The following NAA25 variants were observed in gnomAD, a reference collection of about 807,000 sequenced individuals.
NAA25 encodes the protein N-terminal acetyltransferase B complex subunit NAA25.
In NAA25, 30 loss-of-function variants were observed where a neutral mutation model predicts 132.5. The observed-to-expected ratio is 0.23, with a 90% CI of 0.17 to 0.31. The LOEUF (loss-of-function observed/expected upper bound fraction) is 0.31, where lower values mean the gene tolerates loss of function less well. Among genes scored for constraint, NAA25 ranks in the 10% least tolerant of loss-of-function variants. NAA25 has a pLI of 1.00. For missense variants in NAA25, 771 were observed against 1,150.4 expected (o/e 0.67, Z 4.77); for synonymous variants, 359 against 401.9 (o/e 0.89, Z 1.28).
At chr12:112,032,257 T>C (rs1023514811) in intron 23 of NAA25, among the ~76,000 whole-genome samples, 1 of 152,130 alleles carries the variant, frequency 6.6e-6, no homozygotes, top group African/African-American at 2.4e-5. Flanking sequence ...TGAGCCACTG[T>C]GCCCAGCCCA....
At chr12:112,099,176 G>C (rs1236554360) in intron 1 of NAA25, among the ~76,000 whole-genome samples, 1 of 151,962 alleles carries the variant, frequency 6.6e-6, no homozygotes, top group African/African-American at 2.4e-5. Context: ...TTTTAGTAGA[G>C]ACGGGGTTTC....
chr12:112,027,290 G>T lies in NAA25; in HGVS notation c.*2241C>A. 1 of 151,882 alleles carries T rather than the reference G, an allele frequency of 6.6e-6. No homozygotes were observed. The allele number at this position is 151,882 out of a possible 1,614,324, so 9.4% of individuals were successfully genotyped here. A position where few individuals can be genotyped will look rare whatever the true frequency, so the allele number is the denominator to read the frequency against. On this transcript the variant is annotated 3_prime_UTR_variant, in exon 24 of 24. Coordinates refer to ENST00000261745, the MANE Select transcript of NAA25 (RefSeq NM_024953.4). Reference sequence around the variant, plus strand: ...TGGCATACGATTGCTGGGAGAGGGTGCTTTTTACTCATGTAAGAATATATA... The same window carrying T: ...TGGCATACGATTGCTGGGAGAGGGTTCTTTTTACTCATGTAAGAATATATA...
chr12:112,070,957 G>A (rs2078796740), intron 10 of NAA25, among the ~76,000 whole-genome samples: 1 of 152,252 alleles, frequency 6.6e-6, no homozygotes, highest in South Asian at 2.1e-4. Flanking sequence ...ATGTTGGCCA[G>A]GCTGGTCTTG....
chr12:112,035,844 A>G (rs1476683501), intron 22 of NAA25, among the ~76,000 whole-genome samples: 1 of 151,868 alleles, frequency 6.6e-6, no homozygotes, highest in Admixed American at 6.6e-5. Flanking sequence ...ACCATGCCCA[A>G]CTAATTTTTA....
At chr12:112,105,266 C>A (rs1251333632) in intron 1 of NAA25, among the ~76,000 whole-genome samples, 1 of 151,994 alleles carries the variant, frequency 6.6e-6, no homozygotes, top group African/African-American at 2.4e-5. Flanking sequence ...TTACAGTGAG[C>A]CAAGACACTC....
chr12:112,106,561 T>C (rs1045028984), intron 1 of NAA25, among the ~76,000 whole-genome samples: 2 of 151,996 alleles, frequency 1.3e-5, no homozygotes, highest in Admixed American at 6.6e-5. Flanking sequence ...CCCGGGGAAA[T>C]AGGAAATCAG....
chr12:112,054,333 T>C, intron 14 of NAA25, 55 bp downstream of exon 14: 1 of 1,497,814 alleles, frequency 6.7e-7, no homozygotes, highest in South Asian at 1.2e-5. Flanking sequence ...TAGAGTCCTG[T>C]GTACCCCACA....
At chr12:112,099,523 AAAT>A (rs2079261327) in intron 1 of NAA25, among the ~76,000 whole-genome samples, 2 of 152,214 alleles carry the variant, frequency 1.3e-5, no homozygotes, top group Non-Finnish European at 2.9e-5. Context: ...AATGCAGCTA[AAAT>A]AATGAGATTA....
At chr12:112,086,637 T>A (rs541189616) in intron 4 of NAA25, among the ~76,000 whole-genome samples, 2 of 152,124 alleles carry the variant, frequency 1.3e-5, no homozygotes, top group Non-Finnish European at 2.9e-5. Flanking sequence ...AACTTGATAT[T>A]TAATGTAAAG....
intron 10 of NAA25, among the ~76,000 whole-genome samples, chr12:112,071,380 C>T (rs1403538244): frequency 6.6e-6 from 1 of 152,086 alleles, no homozygotes; most frequent in African/African-American, 2.4e-5. Context: ...GTCGCTCAGG[C>T]TGGAGTGAAG....
At chr12:112,072,104 A>G (rs1435851957) in intron 9 of NAA25, 40 bp from the exon 10 acceptor site, 1 of 1,429,878 alleles carries the variant, frequency 7.0e-7, no homozygotes, top group South Asian at 1.2e-5. Flanking sequence ...TATTGCCTCT[A>G]TTGTCCTTCC....
chr12:112,084,494 A>C (rs922769500), intron 4 of NAA25, among the ~76,000 whole-genome samples: 1 of 152,214 alleles, frequency 6.6e-6, no homozygotes, highest in African/African-American at 2.4e-5. Context: ...ACAGTATAAA[A>C]ATTAGCCAGG....
intron 1 of NAA25, among the ~76,000 whole-genome samples, chr12:112,099,803 A>G (rs1293478983): frequency 6.6e-6 from 1 of 152,210 alleles, no homozygotes; most frequent in Non-Finnish European, 1.5e-5. Context: ...TTTTGCAAAT[A>G]AAAAGGAAAG....
chr12:112,069,909 C>T (rs2078780407), intron 10 of NAA25, among the ~76,000 whole-genome samples: 1 of 151,980 alleles, frequency 6.6e-6, no homozygotes, highest in Non-Finnish European at 1.5e-5. Context: ...AGGGAGATCA[C>T]TTGAGTCCAG....
intron 4 of NAA25, among the ~76,000 whole-genome samples, chr12:112,087,467 A>C (rs1323159352): frequency 6.6e-6 from 1 of 152,240 alleles, no homozygotes; most frequent in Admixed American, 6.5e-5. Flanking sequence ...AGGCCACAAA[A>C]GAACAATCAA....
At chr12:112,063,216 A>G (rs2078663924) in intron 11 of NAA25, among the ~76,000 whole-genome samples, 2 of 152,222 alleles carry the variant, frequency 1.3e-5, no homozygotes, top group Non-Finnish European at 2.9e-5. Context: ...GCAGACCCCA[A>G]TAAGCAGGAA....
At chr12:112,034,096 T>C (rs2078189307) in intron 22 of NAA25, 1 of 152,232 alleles carries the variant, frequency 6.6e-6, no homozygotes, top group Middle Eastern at 3.2e-3. Flanking sequence ...TAAAGATACA[T>C]ACTCAACACT....
chr12:112,036,947 A>G (rs928776406), intron 22 of NAA25, among the ~76,000 whole-genome samples: 1 of 152,064 alleles, frequency 6.6e-6, no homozygotes, highest in African/African-American at 2.4e-5. Flanking sequence ...AATAAACTAG[A>G]AGCAGTGAAC....
At chr12:112,097,936 G>C (rs1414130701) in intron 1 of NAA25, among the ~76,000 whole-genome samples, 1 of 151,724 alleles carries the variant, frequency 6.6e-6, no homozygotes, top group African/African-American at 2.4e-5. Context: ...TGGCCAACAC[G>C]GTGAAACCCC....
Sources: gnomAD v4.1 joint callset for allele counts (sites outside exome capture counted in the v4.1 genomes callset) on GRCh38, gnomAD v4.1.1 for gene constraint, MANE v1.5 for transcripts, NCBI Gene and HGNC (gene_info 2026-07-23, HGNC 2026-07-21) for gene names.